Variants in IL2RB observed in about 807,000 individuals in gnomAD.
IL2RB encodes the protein interleukin 2 receptor subunit beta.
Under a neutral mutation model 44.2 loss-of-function variants are expected in IL2RB, and 17 were observed. The ratio of observed to expected loss-of-function variants is 0.38; its 90% CI spans 0.26 to 0.58. The LOEUF is 0.58. IL2RB is among the 20% of genes least tolerant of loss of function. The pLI is 0.63. For synonymous variants in IL2RB, 286 were observed against 297.9 expected (o/e 0.96, Z 0.41); for missense variants, 624 against 685.5 (o/e 0.91, Z 1.00).
At chr22:37,156,060 C>G (rs1922670349) in intron 1 of IL2RB, among the ~76,000 whole-genome samples, 1 of 152,214 alleles carries the variant, frequency 6.6e-6, no homozygotes, top group Non-Finnish European at 1.5e-5. Context: ...ACGCCCTACC[C>G]GTCCTCCCTC....
rs138944530 is a variant in IL2RB at position 37,142,109 on chromosome 22, A to G, written c.282+325T>C. Among the ~76,000 whole-genome samples the G allele has an allele frequency of 4.4e-3, 669 of 152,220 alleles. 7 individuals carry two copies. The highest frequency in any genetic ancestry group is 5.6e-3 in the Admixed American group (85 of 15,292). ...CCGGGAAGAGCTGGGTGTGGTCATTACAGTTACTGGAGTGCTGTCTTACTT... is the reference window on the plus strand; with the variant it reads ...CCGGGAAGAGCTGGGTGTGGTCATTGCAGTTACTGGAGTGCTGTCTTACTT... On this transcript the variant is annotated intron_variant, in intron 4 of 9. Transcript: ENST00000216223.
intron 9 of IL2RB, among the ~76,000 whole-genome samples, chr22:37,131,374 C>G (rs967046824): frequency 6.6e-6 from 1 of 152,090 alleles, no homozygotes; most frequent in Non-Finnish European, 1.5e-5. Flanking sequence ...CCCCACCCCC[C>G]AATCTTGGGA....
chr22:37,132,497 G>C, intron 8 of IL2RB, 29 bp from the exon 9 acceptor site: 1 of 1,567,002 alleles, frequency 6.4e-7, no homozygotes, highest in Non-Finnish European at 8.8e-7. Flanking sequence ...GGAAGGAGGA[G>C]GGTGAGAAAG....
At chr22:37,161,012 A>G (rs1922848815) in intron 1 of IL2RB, among the ~76,000 whole-genome samples, 1 of 152,202 alleles carries the variant, frequency 6.6e-6, no homozygotes, top group Non-Finnish European at 1.5e-5. Context: ...ATGGTGGCAC[A>G]TGCCTTTAGT....
At chr22:37,131,920 G>C (rs145241442) in intron 9 of IL2RB, among the ~76,000 whole-genome samples, 1,762 of 152,230 alleles carry the variant, frequency 0.012, 16 homozygotes, top group Middle Eastern at 0.034. Context: ...ATTTTTAGTA[G>C]AGACAGGGCT....
chr22:37,158,025 T>C (rs1922738058), intron 1 of IL2RB, among the ~76,000 whole-genome samples: 1 of 152,168 alleles, frequency 6.6e-6, no homozygotes, highest in Non-Finnish European at 1.5e-5. Context: ...GGCGTGGGCT[T>C]CAAGCATCTC....
intron 1 of IL2RB, among the ~76,000 whole-genome samples, chr22:37,146,381 C>A (rs192615755): frequency 6.6e-6 from 1 of 152,256 alleles, no homozygotes; most frequent in East Asian, 1.9e-4. Context: ...GTCAGCCCAC[C>A]CTTCCAGACC....
At chr22:37,153,755 C>A (rs1291050935), upstream of IL2RB, among the ~76,000 whole-genome samples, 1 of 152,150 alleles carries the variant, frequency 6.6e-6, no homozygotes, top group Non-Finnish European at 1.5e-5. Context: ...CTCTATAGAC[C>A]CTTTTGTATG....
At position 37,128,348 on chromosome 22, in the gene IL2RB, G is replaced by A. The variant is rs35134562; in HGVS notation, c.1404C>T (p.Asp468=). ...SLQERVPRDW[D]PQPLGPPTPG... ...GGGTGGGAGGCCCCAGGGGCTGGGG[G>A]TCCCAGTCTCTGGGGACTCTTTCTT... The change falls in exon 10 of 10, where the codon GAC becomes GAT. Residue 468 remains aspartate (D), a synonymous_variant. Transcript: ENST00000216223. The surrounding 1 kb of genome is among the most constrained non-coding windows in gnomAD (Gnocchi z 4.5). 2.8e-3 allele frequency: 4,141 copies of A among 1,503,900 alleles called. 103 individuals carry two copies. The African/African-American group carries it at 0.052, about 19-fold the overall frequency. The allele number at this position is 1,503,900 out of a possible 1,614,324, so 93.2% of individuals were successfully genotyped here.
Position 37,128,042 on chromosome 22 carries a change from T to C in IL2RB, c.*54A>G. On this transcript the variant is annotated 3_prime_UTR_variant, in exon 10 of 10. Transcript: ENST00000216223. The surrounding 1 kb of genome is among the most constrained non-coding windows in gnomAD (Gnocchi z 4.5). ...GACTGAGGACCCTCAACAGGGTCCT[T>C]CTGAGGCTCGGCGCAGAGCAGGCAG... is the stretch of plus-strand genomic sequence containing the variant. 1 of 1,420,774 alleles carries C rather than the reference T, an allele frequency of 7.0e-7. No individual in the cohort carries two copies. Among genetic ancestry groups the C allele is most frequent in the Non-Finnish European group, 9.2e-7 (1 of 1,082,008 alleles). 88.0% of individuals were successfully genotyped at this position (1,420,774 alleles called of 1,614,324 possible).
chr22:37,166,275 C>T (rs951538686), intron 1 of IL2RB, among the ~76,000 whole-genome samples: 2 of 152,216 alleles, frequency 1.3e-5, no homozygotes, highest in Non-Finnish European at 2.9e-5. Flanking sequence ...CCCGCCCCCC[C>T]ACCTCCTGCC....
rs28609498 is a variant in IL2RB, at chr22:37,155,091, G to A, written c.-33-10886C>T. Among the ~76,000 whole-genome samples, 211 of 152,284 alleles carry A rather than the reference G, an allele frequency of 1.4e-3. 1 individual carries two copies. Among genetic ancestry groups the A allele is most frequent in the East Asian group, 5.2e-3 (27 of 5,190 alleles). ...CTGACTCATACAGTCTGTCCCCCAGGTGCTACAGCTGAACATAAAACCAGG... is the reference window on the plus strand; with the variant it reads ...CTGACTCATACAGTCTGTCCCCCAGATGCTACAGCTGAACATAAAACCAGG... On this transcript the variant is annotated intron_variant, in intron 1 of 5. Transcript: ENST00000429622.
intron 1 of IL2RB, among the ~76,000 whole-genome samples, chr22:37,173,715 C>G (rs1923361844): frequency 6.6e-6 from 1 of 152,130 alleles, no homozygotes; most frequent in South Asian, 2.1e-4. Flanking sequence ...GCAGTGCCTC[C>G]AGCAGCCTCA....
chr22:37,132,745 G>A (rs1016461644), intron 8 of IL2RB, among the ~76,000 whole-genome samples: 1 of 152,236 alleles, frequency 6.6e-6, no homozygotes, highest in Non-Finnish European at 1.5e-5. Context: ...TCATTCTGTG[G>A]AGACAGAGAG....
chr22:37,159,007 G>A (rs547694636), intron 1 of IL2RB, among the ~76,000 whole-genome samples: 20 of 152,358 alleles, frequency 1.3e-4, no homozygotes, highest in African/African-American at 4.3e-4. Flanking sequence ...GTCCTGTGAT[G>A]GGGACAGTCA....
At chr22:37,165,421 G>A (rs1431287296) in intron 1 of IL2RB, among the ~76,000 whole-genome samples, 1 of 152,186 alleles carries the variant, frequency 6.6e-6, no homozygotes, top group Non-Finnish European at 1.5e-5. Flanking sequence ...ATGGAAGGTA[G>A]GAACACCTGC....
At chr22:37,142,343 C>G in intron 4 of IL2RB, 91 bp downstream of exon 4, 1 of 1,213,638 alleles carries the variant, frequency 8.2e-7, no homozygotes, top group South Asian at 1.2e-5. Context: ...GGCCTCAGCT[C>G]TTCCCCTGGC....
At chr22:37,169,795 G>C (rs1923212974) in intron 1 of IL2RB, among the ~76,000 whole-genome samples, 1 of 152,164 alleles carries the variant, frequency 6.6e-6, no homozygotes, top group African/African-American at 2.4e-5. Flanking sequence ...TTTCTGATGG[G>C]GTTAGGTACC....
intron 1 of IL2RB, 87 bp from the exon 2 acceptor site, chr22:37,144,292 A>G: frequency 6.9e-7 from 1 of 1,452,608 alleles, no homozygotes; most frequent in Non-Finnish European, 9.1e-7. Flanking sequence ...CCGCCCCCTC[A>G]GTGTGCATGG....
Sources: allele counts gnomAD v4.1 joint callset (sites outside exome capture counted in the v4.1 genomes callset), GRCh38; gene constraint gnomAD v4.1.1; non-coding constraint Gnocchi (gnomAD v3.1); transcripts MANE v1.5; gene names NCBI Gene and HGNC (gene_info 2026-07-23, HGNC 2026-07-21).